GABRB3: variants seen among roughly 807,000 people sequenced by gnomAD.
The protein encoded by GABRB3 is gamma-aminobutyric acid receptor subunit beta-3.
GABRB3 carries 14 observed loss-of-function variants against 52.1 expected under a neutral mutation model. The observed-to-expected ratio is 0.27, with a 90% confidence interval of 0.18 to 0.42. The LOEUF is 0.42. Among genes scored for constraint, GABRB3 ranks in the 10% least tolerant of loss-of-function variants. GABRB3 has a pLI of 1.00. For missense variants in GABRB3, 307 were observed against 609.1 expected, an observed-to-expected ratio of 0.50 and a Z score of 5.22; for synonymous variants, 260 against 232.3, an observed-to-expected ratio of 1.12 and a Z score of -1.08.
At chr15:26,588,259 C>T (rs937660171) in intron 4 of GABRB3, among the ~76,000 whole-genome samples, 5 of 152,174 alleles carry the variant, frequency 3.3e-5, no homozygotes, top group Admixed American at 2.6e-4. Flanking sequence ...AGGGATGGTG[C>T]TAATTCATCA....
At chr15:26,554,161 G>GAGTATATA (rs1555400842) in intron 8 of GABRB3, among the ~76,000 whole-genome samples, 3 of 21,246 alleles carry the variant, frequency 1.4e-4, no homozygotes, top group African/African-American at 3.0e-4. Flanking sequence ...TATATATAAA[G>GAGTATATA]TATATATATA....
chr15:26,596,416 C>T (rs1891398126), intron 4 of GABRB3, among the ~76,000 whole-genome samples: 1 of 152,030 alleles, frequency 6.6e-6, no homozygotes, highest in African/African-American at 2.4e-5. Flanking sequence ...ATTGTCCTGG[C>T]TAATGCAAGC....
At chr15:26,714,731 T>TTAA (rs1889412998) in intron 3 of GABRB3, among the ~76,000 whole-genome samples, 1 of 152,200 alleles carries the variant, frequency 6.6e-6, no homozygotes, top group Non-Finnish European at 1.5e-5. Context: ...TTTAGCTTAG[T>TTAA]GATTTAGAGG....
chr15:26,752,493 G>A (rs57334746), intron 3 of GABRB3, among the ~76,000 whole-genome samples: 1,774 of 152,090 alleles, frequency 0.012, 28 homozygotes, highest in African/African-American at 0.041. Flanking sequence ...TCGATCTCCT[G>A]ACCTCATGAT....
chr15:26,547,347 T>C lies in GABRB3; in HGVS notation c.*446A>G. 2.4e-6 allele frequency: 1 copy of C among 411,134 alleles called. No homozygotes were observed. Among genetic ancestry groups the C allele is most frequent in the Non-Finnish European group, 4.3e-6 (1 of 233,238 alleles). The allele number at this position is 411,134 out of a possible 1,614,324, so 25.5% of individuals were successfully genotyped here. ...TTTTCAAAGATTAACTAAGAATGTC[T>C]TTCTGATTTTTAAACTAAAACATCT... On this transcript the variant is annotated 3_prime_UTR_variant, in exon 9 of 9. Transcript: ENST00000311550.
chr15:26,560,490 G>C (rs1012946587), intron 8 of GABRB3, among the ~76,000 whole-genome samples: 6 of 152,186 alleles, frequency 3.9e-5, no homozygotes, highest in Admixed American at 3.3e-4. Flanking sequence ...CATCCAGATA[G>C]ACGCTGTTTT....
At chr15:26,555,220 G>A (rs759730536) in intron 8 of GABRB3, among the ~76,000 whole-genome samples, 3 of 151,900 alleles carry the variant, frequency 2.0e-5, no homozygotes, top group Non-Finnish European at 2.9e-5. Context: ...CAAGGAAAAT[G>A]TCATGGAGGA....
intron 3 of GABRB3, among the ~76,000 whole-genome samples, chr15:26,663,502 C>T (rs557923419): frequency 5.9e-5 from 9 of 152,302 alleles, no homozygotes; most frequent in African/African-American, 1.9e-4. Flanking sequence ...CTTTAATCTA[C>T]ATTATCTGAC....
In GABRB3 at chr15:26,590,632, C is replaced by T. The variant is rs537840073; in HGVS notation, c.462-7218G>A. 5.3e-5 allele frequency among the ~76,000 whole-genome samples: 8 copies of T among 152,316 alleles called. No homozygotes were observed. In the South Asian group the frequency reaches 1.0e-3, roughly 20 times the overall value. ...AGTCACAGGACATAGGCCAATGTTTCGTTTATCCCGATTTTTGTTTTACTT... is the reference window on the plus strand; with the variant it reads ...AGTCACAGGACATAGGCCAATGTTTTGTTTATCCCGATTTTTGTTTTACTT... On this transcript the variant is annotated intron_variant, in intron 4 of 8. Coordinates refer to ENST00000311550, the MANE Select transcript of GABRB3 (RefSeq NM_000814.6).
chr15:26,726,036 C>T (rs576221671), intron 3 of GABRB3, among the ~76,000 whole-genome samples: 13 of 152,208 alleles, frequency 8.5e-5, no homozygotes, highest in South Asian at 4.1e-4. Flanking sequence ...TGTGGGTGTG[C>T]TACTATGGGG....
chr15:26,736,531 C>T (rs1392234899), intron 3 of GABRB3, among the ~76,000 whole-genome samples: 1 of 152,212 alleles, frequency 6.6e-6, no homozygotes, highest in Admixed American at 6.5e-5. Flanking sequence ...AACTTCAATC[C>T]GGAGTTTGAG....
intron 8 of GABRB3, among the ~76,000 whole-genome samples, chr15:26,555,637 G>A (rs1034689170): frequency 6.6e-6 from 1 of 152,142 alleles, no homozygotes; most frequent in Non-Finnish European, 1.5e-5. Context: ...TGACTAACTG[G>A]TAGCTGTCTT....
intron 4 of GABRB3, among the ~76,000 whole-genome samples, chr15:26,608,123 A>T (rs1386467095): frequency 6.6e-6 from 1 of 150,620 alleles, no homozygotes; most frequent in Admixed American, 6.6e-5. Context: ...AAAAAGGCAC[A>T]TCCGCCAATG....
intron 3 of GABRB3, chr15:26,624,373 T>A (rs1350996159): frequency 1.0e-6 from 1 of 985,390 alleles, no homozygotes; most frequent in East Asian, 1.1e-4. Flanking sequence ...TCTTTACTCC[T>A]AACCCCGCAT....
intron 8 of GABRB3, among the ~76,000 whole-genome samples, chr15:26,560,079 A>G (rs974204677): frequency 8.5e-5 from 13 of 152,234 alleles, no homozygotes; most frequent in Admixed American, 7.9e-4. Context: ...ATGCTTCCGT[A>G]GAACAAATTC....
In GABRB3 at chr15:26,662,171, A is replaced by G. The variant is rs1483831257; in HGVS notation, c.241-40637T>C. 3.3e-5 allele frequency among the ~76,000 whole-genome samples: 5 copies of G among 152,184 alleles called. No individual in the cohort carries two copies. In the South Asian group the frequency reaches 8.3e-4, roughly 25 times the overall value. ...TACCAGAAATATATCTTCCCAGCTGATCTATACTTATCCTCTTTCATCTTT... is the reference window on the plus strand; with the variant it reads ...TACCAGAAATATATCTTCCCAGCTGGTCTATACTTATCCTCTTTCATCTTT... On this transcript the variant is annotated intron_variant, in intron 3 of 8. Transcript: ENST00000311550.
At chr15:26,640,073 A>G (rs962966377) in intron 3 of GABRB3, among the ~76,000 whole-genome samples, 1 of 152,208 alleles carries the variant, frequency 6.6e-6, no homozygotes, top group Non-Finnish European at 1.5e-5. Context: ...CTCAGCTACA[A>G]GCTGTAGTCC....
intron 3 of GABRB3, among the ~76,000 whole-genome samples, chr15:26,763,391 T>C (rs759029131): frequency 2.6e-5 from 4 of 152,222 alleles, no homozygotes; most frequent in Admixed American, 6.5e-5. Flanking sequence ...GCAAGGGCCA[T>C]TGACTCCAAG....
intron 3 of GABRB3, among the ~76,000 whole-genome samples, chr15:26,703,478 G>A (rs1478425171): frequency 2.0e-5 from 3 of 152,122 alleles, no homozygotes; most frequent in Admixed American, 1.3e-4. Flanking sequence ...CCCCCTAAAC[G>A]CTGTCCTTTT....
Sources: gnomAD v4.1 joint callset for allele counts (sites outside exome capture counted in the v4.1 genomes callset) on GRCh38, gnomAD v4.1.1 for gene constraint, MANE v1.5 for transcripts, NCBI Gene and HGNC (gene_info 2026-07-23, HGNC 2026-07-21) for gene names.